The following CFAP20DC variants were observed in gnomAD, a reference collection of about 807,000 sequenced individuals.
The protein encoded by CFAP20DC is CFAP20 domain containing, also known as protein CFAP20DC.
A neutral mutation model predicts 101.7 loss-of-function variants in CFAP20DC; 84 were observed. The ratio of observed to expected loss-of-function variants is 0.83; its 90% confidence interval spans 0.69 to 0.99. The LOEUF is 0.99. CFAP20DC is among the 50% of genes least tolerant of loss of function. The pLI, the probability that CFAP20DC is intolerant of heterozygous loss-of-function variation, is 0.00. For synonymous variants in CFAP20DC, 359 were observed against 351.2 expected (o/e 1.02, Z -0.25); for missense variants, 1,007 against 970.3 (o/e 1.04, Z -0.50).
At chr3:58,806,752 A>C (rs2074098870) in intron 14 of CFAP20DC, among the ~76,000 whole-genome samples, 1 of 152,188 alleles carries the variant, frequency 6.6e-6, no homozygotes, top group African/African-American at 2.4e-5. Flanking sequence ...GTGCGAGCCG[A>C]AGCAGGGCGA....
Position 58,729,488 on chromosome 3 carries a change from A to G in CFAP20DC, c.198-11860T>C, listed in dbSNP as rs2067604157. Among the ~76,000 whole-genome samples, 1 of 152,178 alleles carries G rather than the reference A, an allele frequency of 6.6e-6. No individual in the cohort carries two copies. Among genetic ancestry groups the G allele is most frequent in the African/African-American group, 2.4e-5 (1 of 41,452 alleles). On this transcript the variant is annotated intron_variant, in intron 3 of 3. Coordinates refer to the CFAP20DC transcript ENST00000486145. The surrounding 1 kb of genome is among the most constrained non-coding windows in gnomAD (Gnocchi z 4.4). ...TTATAACTTTTATTAATTTATGTGT[A>G]GATAAAAGAGTTGTTTTAAGACACT...
intron 3 of CFAP20DC, 50 bp downstream of exon 3, chr3:59,046,179 A>T: frequency 8.0e-7 from 1 of 1,243,364 alleles, no homozygotes; most frequent in Non-Finnish European, 1.1e-6. Context: ...ACATAAAAGC[A>T]GAACTTTGAG....
chr3:58,903,345 C>A (rs917494888), intron 6 of CFAP20DC, among the ~76,000 whole-genome samples: 1 of 151,870 alleles, frequency 6.6e-6, no homozygotes, highest in Non-Finnish European at 1.5e-5. Flanking sequence ...GGTAGGAGTC[C>A]ACCTCATTTT....
chr3:58,795,365 C>T lies in CFAP20DC; in HGVS notation c.2237+11030G>A, dbSNP rs1379472657. 1.3e-5 allele frequency among the ~76,000 whole-genome samples: 2 copies of T among 149,282 alleles called. No individual in the cohort carries two copies. Among genetic ancestry groups the T allele is most frequent in the Non-Finnish European group, 2.9e-5 (2 of 68,022 alleles). On this transcript the variant is annotated intron_variant, in intron 15 of 16. Coordinates refer to ENST00000482387, the MANE Select transcript of CFAP20DC (RefSeq NM_001394063.1). This position sits in a 1 kb window ranked among gnomAD's most constrained non-coding sequence, Gnocchi z 4.2. Reference sequence around the variant, plus strand: ...AAAGATGTCAAGATTCTGCCAGGTGCCGTGGCTCACGCCTGTAACCCAGCC... The same window carrying T: ...AAAGATGTCAAGATTCTGCCAGGTGTCGTGGCTCACGCCTGTAACCCAGCC...
At chr3:58,762,754 A>C (rs2069774798) in intron 15 of CFAP20DC, among the ~76,000 whole-genome samples, 1 of 152,132 alleles carries the variant, frequency 6.6e-6, no homozygotes, top group South Asian at 2.1e-4. Context: ...ATCTCTCAGC[A>C]TTTGCTTGTC....
chr3:58,904,675 T>G (rs1160367751), intron 6 of CFAP20DC, among the ~76,000 whole-genome samples: 1 of 152,212 alleles, frequency 6.6e-6, no homozygotes, highest in Non-Finnish European at 1.5e-5. Flanking sequence ...GGTAAACTTG[T>G]GCACTGTTGA....
chr3:58,862,460 T>C, intron 12 of CFAP20DC: 1 of 985,438 alleles, frequency 1.0e-6, no homozygotes, highest in Non-Finnish European at 1.2e-6. Flanking sequence ...CAGTAGGTTA[T>C]GTTTGGTATG....
At position 58,897,525 on chromosome 3, in the gene CFAP20DC, C is replaced by A. The variant is rs2082766755; in HGVS notation, c.551-12816G>T. Among the ~76,000 whole-genome samples the A allele has an allele frequency of 6.6e-6, 1 of 152,202 alleles. No individual in the cohort carries two copies. On this transcript the variant is annotated intron_variant, in intron 6 of 16. Transcript: ENST00000482387. The surrounding 1 kb of genome is among the most constrained non-coding windows in gnomAD (Gnocchi z 4.4). ...TTTGTAGTGGCTGGTAATGGTATTT[C>A]CTTTCCATATTTAGTGCTTCCTTCA... is the stretch of plus-strand genomic sequence containing the variant.
At chr3:58,764,612 C>T (rs1413274911) in intron 15 of CFAP20DC, among the ~76,000 whole-genome samples, 1 of 152,194 alleles carries the variant, frequency 6.6e-6, no homozygotes, top group Non-Finnish European at 1.5e-5. Context: ...TTCTGCATCG[C>T]TCACACTGGG....
chr3:58,890,646 C>T (rs879305327), intron 6 of CFAP20DC, among the ~76,000 whole-genome samples: 26 of 149,116 alleles, frequency 1.7e-4, no homozygotes, highest in Non-Finnish European at 3.1e-4. Context: ...GGCTGCTGGG[C>T]GGAGGGGCTC....
intron 13 of CFAP20DC, among the ~76,000 whole-genome samples, chr3:58,838,674 C>T (rs1219225623): frequency 6.6e-6 from 1 of 152,142 alleles, no homozygotes; most frequent in Non-Finnish European, 1.5e-5. Context: ...AAATATACTT[C>T]CATACATTTT....
At chr3:58,734,235 C>T (rs565869878) in intron 3 of CFAP20DC, among the ~76,000 whole-genome samples, 2 of 152,336 alleles carry the variant, frequency 1.3e-5, no homozygotes, top group Admixed American at 1.3e-4. Context: ...GCTTCCTGTA[C>T]AGCCTGCAGA....
At chr3:58,956,296 C>T (rs886636929) in intron 4 of CFAP20DC, among the ~76,000 whole-genome samples, 1 of 151,852 alleles carries the variant, frequency 6.6e-6, no homozygotes, top group African/African-American at 2.4e-5. Flanking sequence ...CAGAGGGGAG[C>T]CCATTTTCCT....
chr3:58,874,926 C>T lies in CFAP20DC; in HGVS notation c.716-4617G>A, dbSNP rs1031179502. ...TCCTTGCTGAGCAAAATGAATGATT[C>T]ATTAAATGAAATGAGTCAGAAGGGA... On this transcript the variant is annotated intron_variant, in intron 7 of 16. Transcript: ENST00000482387. The surrounding 1 kb of genome is among the most constrained non-coding windows in gnomAD (Gnocchi z 5.1). Among the ~76,000 whole-genome samples the T allele has an allele frequency of 6.6e-6, 1 of 152,118 alleles. No homozygotes were observed. Among genetic ancestry groups the T allele is most frequent in the African/African-American group, 2.4e-5 (1 of 41,424 alleles).
At chr3:58,831,548 T>C (rs1179472719) in intron 14 of CFAP20DC, 138 bp downstream of exon 14, 4 of 669,422 alleles carry the variant, frequency 6.0e-6, no homozygotes, top group Non-Finnish European at 1.0e-5. Flanking sequence ...AAACACTATT[T>C]CAGAATGGAC....
At chr3:58,848,682 A>G (rs1471191191) in intron 13 of CFAP20DC, among the ~76,000 whole-genome samples, 1 of 152,194 alleles carries the variant, frequency 6.6e-6, no homozygotes, top group Non-Finnish European at 1.5e-5. Context: ...AAAATCTGTC[A>G]ATTTTACTGG....
intron 4 of CFAP20DC, among the ~76,000 whole-genome samples, chr3:59,037,211 A>C (rs1196512841): frequency 1.3e-5 from 2 of 152,234 alleles, no homozygotes; most frequent in Non-Finnish European, 2.9e-5. Flanking sequence ...CATTCAGGAC[A>C]TAGGCATGGG....
At chr3:58,812,148 G>A (rs1350713841) in intron 14 of CFAP20DC, among the ~76,000 whole-genome samples, 4 of 152,132 alleles carry the variant, frequency 2.6e-5, no homozygotes, top group Non-Finnish European at 5.9e-5. Flanking sequence ...TCAGTGTGGC[G>A]ATTCCTTAGG....
At chr3:58,958,188 C>A (rs1407443610) in intron 4 of CFAP20DC, among the ~76,000 whole-genome samples, 34 of 151,892 alleles carry the variant, frequency 2.2e-4, no homozygotes, top group Admixed American at 2.2e-3. Context: ...GTTTGCAGAC[C>A]ACCTCTACTC....
Sources: gnomAD v4.1 joint callset for allele counts (sites outside exome capture counted in the v4.1 genomes callset) on GRCh38, gnomAD v4.1.1 for gene constraint, Gnocchi (gnomAD v3.1) non-coding constraint, MANE v1.5 for transcripts, NCBI Gene and HGNC (gene_info 2026-07-23, HGNC 2026-07-21) for gene names.